NEDD4L: variants seen among roughly 807,000 people sequenced by gnomAD.
NEDD4L encodes the protein NEDD4 like E3 ubiquitin protein ligase, also known as E3 ubiquitin-protein ligase NEDD4-like.
A neutral mutation model predicts 148.9 loss-of-function variants in NEDD4L; 54 were observed. That is an observed-to-expected ratio of 0.36 (90% CI 0.29 to 0.45). The LOEUF (loss-of-function observed/expected upper bound fraction) is 0.45. Among genes scored for constraint, NEDD4L ranks in the 20% least tolerant of loss-of-function variants. The probability of loss-of-function intolerance (pLI) is 1.00; values close to 1 mark genes in which losing one functional copy is unlikely to be tolerated. For missense variants in NEDD4L, 856 were observed against 1,233.8 expected, an observed-to-expected ratio of 0.69 and a Z score of 4.59; for synonymous variants, 433 against 440.7, an observed-to-expected ratio of 0.98 and a Z score of 0.22.
intron 2 of NEDD4L, among the ~76,000 whole-genome samples, chr18:58,180,527 C>A (rs115199338): frequency 6.6e-6 from 1 of 152,196 alleles, no homozygotes; most frequent in Non-Finnish European, 1.5e-5. Flanking sequence ...CTCCAGCGCC[C>A]GTTCTTCTGC....
chr18:58,217,266 A>G (rs1442162320), intron 2 of NEDD4L, among the ~76,000 whole-genome samples: 1 of 152,154 alleles, frequency 6.6e-6, no homozygotes. Flanking sequence ...GTGTTATGTA[A>G]AGATTTTTGC....
intron 24 of NEDD4L, among the ~76,000 whole-genome samples, chr18:58,380,850 CAG>C (rs777841430): frequency 1.3e-5 from 2 of 152,128 alleles, no homozygotes; most frequent in Non-Finnish European, 2.9e-5. Context: ...AACACAGAAA[CAG>C]AAAACAGTTT....
intron 19 of NEDD4L, among the ~76,000 whole-genome samples, chr18:58,364,028 T>G (rs1264009174): frequency 6.6e-6 from 1 of 152,222 alleles, no homozygotes; most frequent in African/African-American, 2.4e-5. Context: ...CCAAATGGTT[T>G]CTCAAATAGC....
At chr18:58,133,646 C>T (rs1271716015) in intron 1 of NEDD4L, among the ~76,000 whole-genome samples, 4 of 151,980 alleles carry the variant, frequency 2.6e-5, no homozygotes, top group Non-Finnish European at 2.9e-5. Flanking sequence ...ATATCATTTC[C>T]CCTCCATGCT....
intron 1 of NEDD4L, among the ~76,000 whole-genome samples, chr18:58,073,752 A>G (rs995696405): frequency 1.3e-5 from 2 of 152,190 alleles, no homozygotes; most frequent in Non-Finnish European, 2.9e-5. Flanking sequence ...CTTTGGGATG[A>G]TGAAATTTTC....
At chr18:58,274,626 C>T (rs1412399339) in intron 5 of NEDD4L, among the ~76,000 whole-genome samples, 1 of 152,212 alleles carries the variant, frequency 6.6e-6, no homozygotes, top group Non-Finnish European at 1.5e-5. Context: ...TCACCATATT[C>T]TTAAAAGTTG....
intron 16 of NEDD4L, among the ~76,000 whole-genome samples, chr18:58,343,524 C>T (rs77229146): frequency 0.015 from 2,296 of 152,182 alleles, 66 homozygotes; most frequent in African/African-American, 0.051. Flanking sequence ...TTTGATTTGT[C>T]GCTTTAGTTT....
At chr18:58,149,355 C>A (rs760876947) in intron 1 of NEDD4L, 3 of 1,406,172 alleles carry the variant, frequency 2.1e-6, no homozygotes, top group Admixed American at 5.4e-5. Flanking sequence ...GAGGAACAAC[C>A]GTGTAGACTG....
chr18:58,333,447 A>G (rs1023633210), intron 11 of NEDD4L, among the ~76,000 whole-genome samples: 1 of 152,236 alleles, frequency 6.6e-6, no homozygotes. Context: ...GTCTATTCAC[A>G]TCACATTAAA....
At chr18:58,385,112 T>C (rs1016640185) in intron 25 of NEDD4L, among the ~76,000 whole-genome samples, 3 of 152,252 alleles carry the variant, frequency 2.0e-5, no homozygotes, top group Admixed American at 2.0e-4. Flanking sequence ...TTTACAAATA[T>C]GTATACATAT....
intron 2 of NEDD4L, among the ~76,000 whole-genome samples, chr18:58,187,320 C>G (rs2039585249): frequency 6.6e-6 from 1 of 152,152 alleles, no homozygotes; most frequent in Non-Finnish European, 1.5e-5. Flanking sequence ...TTATTGCTCA[C>G]TGAATCACTG....
intron 5 of NEDD4L, among the ~76,000 whole-genome samples, chr18:58,277,821 T>C (rs934931057): frequency 2.0e-5 from 3 of 152,246 alleles, no homozygotes; most frequent in Admixed American, 6.5e-5. Context: ...AGAAATGTAT[T>C]GGCATGTTCT....
chr18:58,279,057 A>G (rs1434074191), intron 5 of NEDD4L, among the ~76,000 whole-genome samples: 1 of 151,330 alleles, frequency 6.6e-6, no homozygotes, highest in Non-Finnish European at 1.5e-5. Flanking sequence ...TTTTTATTAT[A>G]GTAGAGATGG....
chr18:58,224,680 G>T (rs2044157873), intron 2 of NEDD4L, among the ~76,000 whole-genome samples: 1 of 152,134 alleles, frequency 6.6e-6, no homozygotes, highest in Non-Finnish European at 1.5e-5. Flanking sequence ...CACTTGTCCT[G>T]TTCATTACTT....
At chr18:58,296,544 G>T (rs1227174196) in intron 5 of NEDD4L, among the ~76,000 whole-genome samples, 1 of 152,214 alleles carries the variant, frequency 6.6e-6, no homozygotes, top group African/African-American at 2.4e-5. Flanking sequence ...AGCTTCTGGG[G>T]GCTGCCAGCG....
chr18:58,199,549 G>A (rs540527686), intron 2 of NEDD4L, among the ~76,000 whole-genome samples: 1 of 152,254 alleles, frequency 6.6e-6, no homozygotes. Flanking sequence ...AGGAGGCTGG[G>A]GCATGAGGAT....
intron 18 of NEDD4L, among the ~76,000 whole-genome samples, chr18:58,352,787 G>A (rs1022335709): frequency 3.3e-5 from 5 of 152,292 alleles, no homozygotes; most frequent in African/African-American, 9.6e-5. Context: ...GGTCTGTGAC[G>A]CATGGAGAGC....
intron 5 of NEDD4L, among the ~76,000 whole-genome samples, chr18:58,276,106 G>A (rs1244534711): frequency 1.3e-5 from 2 of 150,878 alleles, no homozygotes; most frequent in African/African-American, 2.4e-5. Context: ...CTGGTTTCAT[G>A]TTTAGGTCTC....
At chr18:58,108,633 C>G (rs868605507) in intron 1 of NEDD4L, among the ~76,000 whole-genome samples, 27 of 152,164 alleles carry the variant, frequency 1.8e-4, no homozygotes, top group African/African-American at 6.0e-4. Context: ...GTTGGCCAGG[C>G]TGGTCTCAAA....
Sources: gnomAD v4.1 joint callset for allele counts (sites outside exome capture counted in the v4.1 genomes callset) on GRCh38, gnomAD v4.1.1 for gene constraint, MANE v1.5 for transcripts, NCBI Gene and HGNC (gene_info 2026-07-23, HGNC 2026-07-21) for gene names.